Variants in NBPF3 observed in about 807,000 individuals in gnomAD.
The protein encoded by NBPF3 is NBPF family member NBPF3.
NBPF3 carries 57 observed loss-of-function variants against 78.1 expected under a neutral mutation model. That is an observed-to-expected ratio of 0.73 (90% CI 0.59 to 0.91). NBPF3 has a LOEUF of 0.91. NBPF3 is among the 40% of genes least tolerant of loss of function. NBPF3 has a pLI of 0.00. For synonymous variants in NBPF3, 182 were observed against 271.7 expected (o/e 0.67, Z 3.25); for missense variants, 510 against 715.3 (o/e 0.71, Z 3.27).
chr1:21,474,250 C>G (rs1642771055), intron 7 of NBPF3, among the ~76,000 whole-genome samples: 1 of 149,600 alleles, frequency 6.7e-6, no homozygotes. Context: ...GTCACCCAGG[C>G]TGGAGTGCAA....
intron 2 of NBPF3, chr1:21,466,255 A>G (rs1642256988): frequency 4.0e-6 from 1 of 251,746 alleles, no homozygotes; most frequent in South Asian, 1.7e-4. Flanking sequence ...TTCATCTTCA[A>G]AAATCCAAAC....
chr1:21,437,413 C>G, upstream of NBPF3: 1 of 1,145,926 alleles, frequency 8.7e-7, no homozygotes, highest in Admixed American at 2.5e-5. Context: ...GGCTCTCAAA[C>G]GTAGGCCTAG....
intron 2 of NBPF3, among the ~76,000 whole-genome samples, chr1:21,450,671 G>A (rs1641257910): frequency 6.6e-6 from 1 of 152,132 alleles, no homozygotes; most frequent in African/African-American, 2.4e-5. Flanking sequence ...TAAAGCATTA[G>A]TTCAACATGA....
intron 2 of NBPF3, chr1:21,468,106 A>T (rs7531520): frequency 2.6e-5 from 4 of 154,858 alleles, no homozygotes; most frequent in African/African-American, 4.8e-5. Context: ...AAGCCTTAAG[A>T]TCTGTTTTAA....
Position 21,460,067 on chromosome 1 carries a change from G to C in NBPF3, c.134-8621G>C, listed in dbSNP as rs1399622025. 8.7e-5 allele frequency: 7 copies of C among 80,004 alleles called. 2 individuals are homozygous for C. The highest frequency in any genetic ancestry group is 2.3e-4 in the African/African-American group (7 of 31,102). 5.0% of individuals were successfully genotyped at this position (80,004 alleles called of 1,614,324 possible). A position where few individuals can be genotyped will look rare whatever the true frequency, so the allele number is the denominator to read the frequency against. ...CCCATCCGCCACGAGGCTGTAGATA[G>C]AGGCGTCCACCTGGCCGTTGCGCGG... On this transcript the variant is annotated intron_variant, in intron 2 of 14. Coordinates refer to ENST00000318249, the MANE Select transcript of NBPF3 (RefSeq NM_032264.6). The surrounding 1 kb of genome is among the most constrained non-coding windows in gnomAD (Gnocchi z 4.2).
intron 8 of NBPF3, among the ~76,000 whole-genome samples, chr1:21,475,786 G>A (rs1183475488): frequency 6.6e-6 from 1 of 152,278 alleles, no homozygotes; most frequent in African/African-American, 2.4e-5. Flanking sequence ...TGTCTATTAG[G>A]TCTGCTTGGT....
chr1:21,437,949 G>A (rs1285231848), upstream of NBPF3, among the ~76,000 whole-genome samples: 1 of 151,986 alleles, frequency 6.6e-6, no homozygotes, highest in Non-Finnish European at 1.5e-5. Context: ...TAGCCTCCGA[G>A]TAGCTGGGAT....
chr1:21,471,469 T>G (rs1642589508), intron 4 of NBPF3, 100 bp from the exon 5 acceptor site: 4 of 1,570,632 alleles, frequency 2.5e-6, no homozygotes, highest in Non-Finnish European at 3.5e-6. Flanking sequence ...TGCTTGGAGG[T>G]CTCCTTGAGG....
intron 2 of NBPF3, among the ~76,000 whole-genome samples, chr1:21,448,801 C>A (rs1641136579): frequency 6.6e-6 from 1 of 152,180 alleles, no homozygotes; most frequent in African/African-American, 2.4e-5. Context: ...GTGTGTTAGC[C>A]TGTCTTTCTC....
chr1:21,477,605 C>A (rs1642953280), intron 8 of NBPF3, among the ~76,000 whole-genome samples: 1 of 152,102 alleles, frequency 6.6e-6, no homozygotes, highest in African/African-American at 2.4e-5. Context: ...GTCACCTGTT[C>A]TCTCCCATGT....
chr1:21,443,552 G>A (rs970296338), intron 1 of NBPF3, among the ~76,000 whole-genome samples: 2 of 152,138 alleles, frequency 1.3e-5, no homozygotes, highest in African/African-American at 4.8e-5. Context: ...CCATTTAAAG[G>A]GCTCACGTGA....
chr1:21,450,177 G>A (rs1475198261), intron 2 of NBPF3, among the ~76,000 whole-genome samples: 2 of 151,956 alleles, frequency 1.3e-5, no homozygotes, highest in African/African-American at 4.8e-5. Flanking sequence ...TAGAGCTCAA[G>A]CTATTTTTCC....
chr1:21,477,132 C>T (rs7515922), intron 8 of NBPF3, among the ~76,000 whole-genome samples: 1,947 of 152,252 alleles, frequency 0.013, 46 homozygotes, highest in African/African-American at 0.044. Context: ...TCCATCAGGT[C>T]ATTTCAGGTC....
intron 2 of NBPF3, among the ~76,000 whole-genome samples, chr1:21,467,725 A>C (rs1256526556): frequency 2.0e-5 from 3 of 152,244 alleles, no homozygotes; most frequent in Non-Finnish European, 2.9e-5. Flanking sequence ...GGAGATCTCT[A>C]TATAAATGAT....
At chr1:21,457,412 GTA>G (rs1371591058) in intron 2 of NBPF3, among the ~76,000 whole-genome samples, 1 of 83,786 alleles carries the variant, frequency 1.2e-5, no homozygotes. Flanking sequence ...ATATGCATGT[GTA>G]TATATATGTG....
At chr1:21,474,871 G>C (rs367623370) in intron 7 of NBPF3, 29 bp from the exon 8 acceptor site, 1 of 1,589,068 alleles carries the variant, frequency 6.3e-7, no homozygotes, top group African/African-American at 1.3e-5. Flanking sequence ...ATTGCTTAAT[G>C]TGACCTGCTT....
intron 3 of NBPF3, 25 bp downstream of exon 3, chr1:21,468,922 C>T (rs1329963667): frequency 6.5e-7 from 1 of 1,545,174 alleles, no homozygotes; most frequent in South Asian, 1.1e-5. Flanking sequence ...CTCACCATCA[C>T]AAAAGCGATG....
chr1:21,436,951 A>G (rs1488897932), upstream of NBPF3: 2 of 372,768 alleles, frequency 5.4e-6, no homozygotes. This position sits in a 1 kb window ranked among gnomAD's most constrained non-coding sequence, Gnocchi z 4.3. Flanking sequence ...AGCCCTGAGA[A>G]ATAGTGTCTG....
At chr1:21,462,372 A>G (rs1446555309) in intron 2 of NBPF3, among the ~76,000 whole-genome samples, 2 of 152,200 alleles carry the variant, frequency 1.3e-5, no homozygotes, top group Admixed American at 6.5e-5. Context: ...CTTTACAATT[A>G]TAATTATATT....
Sources: allele counts gnomAD v4.1 joint callset (sites outside exome capture counted in the v4.1 genomes callset), GRCh38; gene constraint gnomAD v4.1.1; non-coding constraint Gnocchi (gnomAD v3.1); transcripts MANE v1.5; gene names NCBI Gene and HGNC (gene_info 2026-07-23, HGNC 2026-07-21).